The following KIAA1671 variants were observed in gnomAD, a reference collection of about 807,000 sequenced individuals.
The protein encoded by KIAA1671 is uncharacterized protein KIAA1671.
A neutral mutation model predicts 131.2 loss-of-function variants in KIAA1671; 52 were observed. The observed-to-expected ratio is 0.40, with a 90% CI of 0.32 to 0.50. The LOEUF (loss-of-function observed/expected upper bound fraction) is 0.50. KIAA1671 is among the 20% of genes least tolerant of loss of function. KIAA1671 has a pLI of 0.73. For synonymous variants in KIAA1671, 1,003 were observed against 961.6 expected (o/e 1.04, Z -0.80); for missense variants, 2,360 against 2,364.2 (o/e 1.00, Z 0.04).
At chr22:25,096,854 G>A (rs769056233) in intron 6 of KIAA1671, among the ~76,000 whole-genome samples, 12 of 152,178 alleles carry the variant, frequency 7.9e-5, no homozygotes, top group Non-Finnish European at 1.5e-4. Flanking sequence ...AGACATGCAC[G>A]TGAACGGAGC....
rs1931401813 is a variant in KIAA1671, at chr22:25,112,285, G to A, written c.4531-58535G>A. ...AAGCCCTCAATTTGGTGACCACCAC[G>A]GTGGGCCACGAACGGACGAGTGCAG... On this transcript the variant is annotated intron_variant, in intron 6 of 12. Transcript: ENST00000358431. 1.0e-5 allele frequency: 4 copies of A among 398,876 alleles called. No individual in the cohort carries two copies. The East Asian group carries it at 1.1e-4, about 11-fold the overall frequency. 24.7% of individuals were successfully genotyped at this position (398,876 alleles called of 1,614,324 possible).
intron 6 of KIAA1671, among the ~76,000 whole-genome samples, chr22:25,156,040 G>C (rs1463479210): frequency 1.1e-4 from 1 of 8,710 alleles, no homozygotes; most frequent in Non-Finnish European, 4.0e-4. Context: ...TTTTTTTTTT[G>C]AGATGGAGTC....
chr22:25,181,629 A>T, intron 9 of KIAA1671, 70 bp from the exon 10 acceptor site: 1 of 1,537,566 alleles, frequency 6.5e-7, no homozygotes, highest in Non-Finnish European at 8.8e-7. Flanking sequence ...CTGTGTGCAA[A>T]TTATCTGGCA....
At chr22:25,129,672 T>C (rs1932346567) in intron 6 of KIAA1671, among the ~76,000 whole-genome samples, 1 of 151,320 alleles carries the variant, frequency 6.6e-6, no homozygotes. Context: ...TTTTTTTTTT[T>C]TTTGAGACAG....
chr22:25,039,933 C>A lies in KIAA1671; in HGVS notation c.2803C>A (p.Arg935=). The A allele has an allele frequency of 3.2e-6, 5 of 1,551,420 alleles. No individual in the cohort carries two copies. Among genetic ancestry groups the A allele is most frequent in the Admixed American group, 2.0e-5 (1 of 50,982 alleles). ...AQVPQPAVRM[R]KAGAMDQRMD... The stretch of plus-strand genomic sequence containing the variant: ...GGTGCCACAGCCTGCAGTCAGAATG[C>A]GGAAAGCCGGCGCCATGGACCAGAG... The change falls in exon 5 of 13, where the codon CGG becomes AGG. Residue 935 remains arginine, a synonymous_variant. Transcript: ENST00000358431.
chr22:24,978,913 G>A (rs1363907851), intron 1 of KIAA1671, among the ~76,000 whole-genome samples: 4 of 151,984 alleles, frequency 2.6e-5, no homozygotes, highest in Non-Finnish European at 4.4e-5. Context: ...TCAAACTCCT[G>A]ACCTCAGGTG....
chr22:25,072,098 GA>G (rs1928860728), intron 6 of KIAA1671, among the ~76,000 whole-genome samples: 1 of 152,176 alleles, frequency 6.6e-6, no homozygotes. Flanking sequence ...CAGGCAGAGG[GA>G]ACAGCATGTG....
intron 6 of KIAA1671, among the ~76,000 whole-genome samples, chr22:25,140,346 C>G (rs912791160): frequency 6.6e-6 from 1 of 152,146 alleles, no homozygotes; most frequent in Non-Finnish European, 1.5e-5. Context: ...CTAGAGTGAG[C>G]CTGCTAGCAA....
At chr22:24,969,940 A>T (rs1364662178) in intron 1 of KIAA1671, among the ~76,000 whole-genome samples, 1 of 152,220 alleles carries the variant, frequency 6.6e-6, no homozygotes, top group Non-Finnish European at 1.5e-5. Flanking sequence ...GATTTAGACA[A>T]CAGGCTTCAG....
At chr22:25,169,985 C>T (rs1189766339) in intron 6 of KIAA1671, among the ~76,000 whole-genome samples, 1 of 152,136 alleles carries the variant, frequency 6.6e-6, no homozygotes, top group Non-Finnish European at 1.5e-5. Context: ...GCAATCTTGG[C>T]TCATTGCAAG....
intron 1 of KIAA1671, chr22:25,009,653 C>T (rs1924930946): frequency 6.6e-6 from 1 of 151,282 alleles, no homozygotes; most frequent in African/African-American, 2.4e-5. Flanking sequence ...GCGATCTTGG[C>T]TTACTGCAAC....
At chr22:25,153,352 T>G (rs956277733) in intron 6 of KIAA1671, among the ~76,000 whole-genome samples, 1 of 152,114 alleles carries the variant, frequency 6.6e-6, no homozygotes, top group Non-Finnish European at 1.5e-5. Context: ...CATTTTTGGT[T>G]GTTGTGATGG....
At chr22:25,013,459 C>G (rs965175719) in intron 1 of KIAA1671, 1 of 152,162 alleles carries the variant, frequency 6.6e-6, no homozygotes, top group Non-Finnish European at 1.5e-5. Flanking sequence ...GGGGAGTGAT[C>G]AGACAGACCT....
chr22:24,965,755 A>AG (rs1157131376), intron 1 of KIAA1671, among the ~76,000 whole-genome samples: 1 of 151,748 alleles, frequency 6.6e-6, no homozygotes, highest in Non-Finnish European at 1.5e-5. Flanking sequence ...AAAAAAAAAA[A>AG]AAAAAAGAAA....
chr22:25,127,843 C>T (rs779739795), intron 6 of KIAA1671, among the ~76,000 whole-genome samples: 3 of 152,128 alleles, frequency 2.0e-5, no homozygotes, highest in Non-Finnish European at 4.4e-5. Context: ...ATGCGGAGCC[C>T]CGTGGATTTT....
chr22:25,164,142 G>A (rs1208803882), intron 6 of KIAA1671, among the ~76,000 whole-genome samples: 2 of 152,176 alleles, frequency 1.3e-5, no homozygotes, highest in African/African-American at 2.4e-5. Context: ...CAAGTCTTGA[G>A]GTTTTTCAGA....
intron 1 of KIAA1671, among the ~76,000 whole-genome samples, chr22:24,998,567 A>G (rs933875484): frequency 6.6e-6 from 1 of 151,968 alleles, no homozygotes; most frequent in African/African-American, 2.4e-5. Context: ...AAATACAAAA[A>G]AATTAGCTGG....
intron 7 of KIAA1671, among the ~76,000 whole-genome samples, chr22:25,173,057 A>G (rs1002226951): frequency 2.0e-5 from 3 of 152,210 alleles, no homozygotes; most frequent in African/African-American, 7.2e-5. Flanking sequence ...GCCTCAGGAA[A>G]CTTACAATCA....
At chr22:25,161,093 A>G (rs1020024159) in intron 6 of KIAA1671, among the ~76,000 whole-genome samples, 9 of 141,906 alleles carry the variant, frequency 6.3e-5, no homozygotes, top group African/African-American at 1.3e-4. Context: ...TTCTTCTCCC[A>G]TCCCTTTCTT....
Sources: allele counts gnomAD v4.1 joint callset (sites outside exome capture counted in the v4.1 genomes callset), GRCh38; gene constraint gnomAD v4.1.1; transcripts MANE v1.5; gene names NCBI Gene and HGNC (gene_info 2026-07-23, HGNC 2026-07-21).